Variants in TPTE2 observed in about 807,000 individuals in gnomAD.
TPTE2 encodes transmembrane phosphoinositide 3-phosphatase and tensin homolog 2.
A neutral mutation model predicts 78.6 loss-of-function variants in TPTE2; 53 were observed. That is an observed-to-expected ratio of 0.67 (90% confidence interval 0.54 to 0.85). TPTE2 has a LOEUF of 0.85. TPTE2 is among the 40% of genes least tolerant of loss of function. The pLI is 0.00. For synonymous variants in TPTE2, 175 were observed against 206.2 expected (o/e 0.85, Z 1.30); for missense variants, 461 against 623.0 (o/e 0.74, Z 2.77).
At position 19,502,765 on chromosome 13, in the gene TPTE2, A is replaced by T. The variant is rs191125928; in HGVS notation, c.11+459T>A. On this transcript the variant is annotated intron_variant, in intron 1 of 19. Transcript: ENST00000400230. The stretch of plus-strand genomic sequence containing the variant: ...TATACATATGTAACTAACCTGCACA[A>T]TGTGCACATGTACCCTAAAACTTAA... Among the ~76,000 whole-genome samples, 1,293 of 151,964 alleles carry T rather than the reference A, an allele frequency of 8.5e-3. 12 individuals are homozygous for T. Among genetic ancestry groups the T allele is most frequent in the African/African-American group, 0.03 (1,237 of 41,426 alleles).
intron 1 of TPTE2, among the ~76,000 whole-genome samples, chr13:19,521,897 TA>T (rs1346440189): frequency 2.0e-5 from 3 of 152,302 alleles, no homozygotes; most frequent in Admixed American, 1.3e-4. Flanking sequence ...TTTACTCATA[TA>T]GTTATCTTTC....
chr13:19,555,784 C>T, the TPTE2 span, among the ~76,000 whole-genome samples: 1 of 150,360 alleles, frequency 6.7e-6, no homozygotes, highest in Admixed American at 6.7e-5. Flanking sequence ...ACAGCAGCTG[C>T]CCTGACAACA....
chr13:19,468,861 T>A (rs1879444671), intron 6 of TPTE2, among the ~76,000 whole-genome samples: 1 of 152,210 alleles, frequency 6.6e-6, no homozygotes, highest in African/African-American at 2.4e-5. Context: ...ATTTAAAAAA[T>A]TAGATTATTA....
rs1330464076 is a variant in TPTE2 at position 19,490,820 on chromosome 13, G to A, written c.119+2030C>T. ...GCTCTTTTCTGTTGAGAGCTCCTCAGCTCCCTGCCCACTGTTACCTCCTCC... is the reference window on the plus strand; with the variant it reads ...GCTCTTTTCTGTTGAGAGCTCCTCAACTCCCTGCCCACTGTTACCTCCTCC... On this transcript the variant is annotated intron_variant, in intron 3 of 19. Transcript: ENST00000400230. 3.3e-5 allele frequency among the ~76,000 whole-genome samples: 5 copies of A among 152,194 alleles called. No individual in the cohort carries two copies. The East Asian group carries it at 5.8e-4, about 18-fold the overall frequency.
intron 3 of TPTE2, among the ~76,000 whole-genome samples, chr13:19,484,275 T>G (rs1314589353): frequency 6.6e-6 from 1 of 152,210 alleles, no homozygotes. Flanking sequence ...GTTTTGAATG[T>G]TCCTCTTGTT....
intron 10 of TPTE2, among the ~76,000 whole-genome samples, chr13:19,452,995 A>T (rs918440982): frequency 1.9e-5 from 2 of 103,630 alleles, no homozygotes; most frequent in Admixed American, 9.8e-5. Context: ...TATTTATTTT[A>T]TTTTATTTTA....
the TPTE2 span, among the ~76,000 whole-genome samples, chr13:19,546,483 C>CTTTTTTTTTTTTTTTTTT: frequency 3.5e-5 from 3 of 85,020 alleles, no homozygotes; most frequent in Non-Finnish European, 6.2e-5. Context: ...TTTTCTTTTT[C>CTTTTTTTTTTTTTTTTTT]TTTTTTTTTT....
intron 13 of TPTE2, among the ~76,000 whole-genome samples, chr13:19,448,898 C>T (rs1878003987): frequency 6.6e-6 from 1 of 152,176 alleles, no homozygotes; most frequent in African/African-American, 2.4e-5. Context: ...ATCTAAATGT[C>T]ATCAGTGGAT....
At chr13:19,508,016 A>C (rs966823329), upstream of TPTE2, among the ~76,000 whole-genome samples, 8 of 152,130 alleles carry the variant, frequency 5.3e-5, no homozygotes, top group Non-Finnish European at 1.5e-5. Context: ...TTGCCTGGTC[A>C]GTGTTTCATG....
At position 19,457,566 on chromosome 13, in the gene TPTE2, T is replaced by C. The variant is rs559509941; in HGVS notation, c.742-6341A>G. On this transcript the variant is annotated intron_variant, in intron 10 of 19. Coordinates refer to ENST00000400230, the Ensembl canonical transcript of TPTE2. ...AGGCCCCAGTGTGTGTTGTTCCCCATTGTGTGCTCATGTGTTCTCATTGTC... is the reference window on the plus strand; with the variant it reads ...AGGCCCCAGTGTGTGTTGTTCCCCACTGTGTGCTCATGTGTTCTCATTGTC... Among the ~76,000 whole-genome samples the C allele has an allele frequency of 8.8e-5, 13 of 148,182 alleles. No homozygotes were observed. The South Asian group carries it at 1.1e-3, about 13-fold the overall frequency.
intron 1 of TPTE2, 52 bp from the exon 5 acceptor site, chr13:19,493,553 A>G: frequency 1.3e-6 from 2 of 1,572,510 alleles, no homozygotes; most frequent in Non-Finnish European, 8.7e-7. Context: ...TTCTGAATTT[A>G]TATTTTGGAA....
intron 3 of TPTE2, among the ~76,000 whole-genome samples, chr13:19,491,657 C>T (rs1252349866): frequency 6.6e-6 from 1 of 151,904 alleles, no homozygotes; most frequent in Non-Finnish European, 1.5e-5. Context: ...AACCCCGCCC[C>T]TACCAAAAAT....
At chr13:19,494,313 CTG>C (rs1193046308) in intron 1 of TPTE2, among the ~76,000 whole-genome samples, 1 of 152,222 alleles carries the variant, frequency 6.6e-6, no homozygotes, top group Non-Finnish European at 1.5e-5. Flanking sequence ...CAAAGAAACA[CTG>C]TATTATCGTG....
chr13:19,543,928 T>C, the TPTE2 span, among the ~76,000 whole-genome samples: 2 of 151,164 alleles, frequency 1.3e-5, no homozygotes, highest in African/African-American at 4.8e-5. Context: ...CTAGGTGTGA[T>C]GGCAATGCCC....
At chr13:19,485,163 C>T (rs1880590487) in intron 3 of TPTE2, among the ~76,000 whole-genome samples, 1 of 152,054 alleles carries the variant, frequency 6.6e-6, no homozygotes, top group South Asian at 2.1e-4. Context: ...TAAAGTTTTG[C>T]ATGTTTTTAT....
chr13:19,438,454 T>C (rs1877268106), intron 13 of TPTE2: 11 of 984,702 alleles, frequency 1.1e-5, no homozygotes, highest in Non-Finnish European at 1.3e-5. Context: ...TATAATTTTT[T>C]TGGATAATAG....
chr13:19,423,314 C>G, intron 19 of TPTE2, 150 bp from the exon 23 acceptor site: 1 of 535,462 alleles, frequency 1.9e-6, no homozygotes, highest in Non-Finnish European at 3.2e-6. Flanking sequence ...TTGGCTCCTT[C>G]CACCTTTTTA....
At chr13:19,549,294 AAAC>A in the TPTE2 span, among the ~76,000 whole-genome samples, 1 of 152,188 alleles carries the variant, frequency 6.6e-6, no homozygotes, top group African/African-American at 2.4e-5. Flanking sequence ...TCTATAACTC[AAAC>A]AACTGAAGAA....
At chr13:19,489,971 G>A (rs1048698071) in intron 3 of TPTE2, among the ~76,000 whole-genome samples, 6 of 152,094 alleles carry the variant, frequency 3.9e-5, no homozygotes, top group African/African-American at 1.4e-4. Context: ...TCTGGTTGAA[G>A]TTATGTACAA....
Sources: allele counts gnomAD v4.1 joint callset (sites outside exome capture counted in the v4.1 genomes callset), GRCh38; gene constraint gnomAD v4.1.1; transcripts MANE v1.5; gene names NCBI Gene and HGNC (gene_info 2026-07-23, HGNC 2026-07-21).